CTBP2: variants seen among roughly 807,000 people sequenced by gnomAD.
CTBP2 encodes the protein C-terminal-binding protein 2.
Under a neutral mutation model 80.3 loss-of-function variants are expected in CTBP2, and 30 were observed. That is an observed-to-expected ratio of 0.37 (90% CI 0.28 to 0.51). The LOEUF (loss-of-function observed/expected upper bound fraction) is 0.51, where lower values mean the gene tolerates loss of function less well. CTBP2 is among the 20% of genes least tolerant of loss of function. The probability of loss-of-function intolerance (pLI) is 0.93; values close to 1 mark genes in which losing one functional copy is unlikely to be tolerated. For synonymous variants in CTBP2, 594 were observed against 587.4 expected (o/e 1.01, Z -0.16); for missense variants, 1,212 against 1,375.3 (o/e 0.88, Z 1.88).
chr10:125,073,295 A>G (rs974307744), intron 2 of CTBP2, among the ~76,000 whole-genome samples: 1 of 152,188 alleles, frequency 6.6e-6, no homozygotes, highest in African/African-American at 2.4e-5. Flanking sequence ...GAGTGCAGTG[A>G]CGCCATCTTG....
intron 1 of CTBP2, among the ~76,000 whole-genome samples, chr10:125,115,373 C>T (rs1280788425): frequency 2.0e-5 from 3 of 152,114 alleles, no homozygotes; most frequent in Admixed American, 6.5e-5. Context: ...ATCCCTTAGG[C>T]GATCAAAAGT....
At chr10:125,158,031 T>C (rs1861244046) in intron 1 of CTBP2, among the ~76,000 whole-genome samples, 1 of 152,250 alleles carries the variant, frequency 6.6e-6, no homozygotes, top group Admixed American at 6.5e-5. Flanking sequence ...CAGCTATGAC[T>C]GAAAATGTCT....
intron 1 of CTBP2, among the ~76,000 whole-genome samples, chr10:125,148,151 GGCCGA>G (rs1565043253): frequency 6.6e-6 from 1 of 152,104 alleles, no homozygotes; most frequent in Non-Finnish European, 1.5e-5. Flanking sequence ...TCTCTCCTTG[GGCCGA>G]GCCTCAGTGT....
intron 1 of CTBP2, among the ~76,000 whole-genome samples, chr10:125,142,275 G>C (rs1857966213): frequency 1.3e-5 from 2 of 152,192 alleles, no homozygotes; most frequent in Admixed American, 1.3e-4. Context: ...GCACTGGGGA[G>C]AGGAGGGGTG....
intron 2 of CTBP2, among the ~76,000 whole-genome samples, chr10:125,081,535 T>C (rs756769855): frequency 2.6e-5 from 4 of 152,212 alleles, no homozygotes; most frequent in East Asian, 1.9e-4. Flanking sequence ...CGTGTGTTTC[T>C]GTATATGAGA....
At chr10:124,994,828 G>A in intron 4 of CTBP2, 145 bp from the exon 7 acceptor site, 1 of 841,728 alleles carries the variant, frequency 1.2e-6, no homozygotes, top group Non-Finnish European at 1.9e-6. Flanking sequence ...AGCTTAGTGA[G>A]GCCTGAGGCG....
chr10:125,030,755 C>A (rs1045761060), upstream of CTBP2, among the ~76,000 whole-genome samples: 2 of 152,204 alleles, frequency 1.3e-5, no homozygotes, highest in African/African-American at 4.8e-5. Context: ...ACTTGGTGGG[C>A]TGCCAGGTTT....
chr10:125,160,933 G>A (rs1391438751), upstream of CTBP2: 4 of 150,690 alleles, frequency 2.7e-5, no homozygotes, highest in Non-Finnish European at 5.9e-5. Flanking sequence ...CTCCGGGGAA[G>A]GAGAAGGAAA....
rs758437780 is a variant in CTBP2, at chr10:125,026,505, C to T, written c.1255G>A (p.Ala419Thr). ...CCCACGCCAGGGGCAGAATAGGTGG[C>T]TGCCGTCTCCAGGAGGTGCTGAGAT... is the stretch of plus-strand genomic sequence containing the variant. The change falls in exon 1 of 9, where the codon GCC becomes ACC. Residue 419 changes from alanine (A) to threonine (T), a missense_variant. Ala to Thr is a moderately conservative substitution (Grantham distance 58). Coordinates refer to ENST00000309035, the MANE Select transcript of CTBP2 (RefSeq NM_022802.3). 1.9e-5 allele frequency: 30 copies of T among 1,599,832 alleles called. No individual in the cohort carries two copies. The East Asian group carries it at 6.1e-4, about 32-fold the overall frequency.
At chr10:125,138,337 C>T (rs1470043220) in intron 1 of CTBP2, 1 of 152,240 alleles carries the variant, frequency 6.6e-6, no homozygotes, top group African/African-American at 2.4e-5. Context: ...GCAACACGGA[C>T]CTCATGCGGC....
In CTBP2 at chr10:124,989,467, C is replaced by G. The variant is rs771529952; in HGVS notation, c.*51G>C. 2.5e-4 allele frequency: 384 copies of G among 1,525,368 alleles called. No homozygotes were observed. The highest frequency in any genetic ancestry group is 3.3e-4 in the Non-Finnish European group (365 of 1,101,334). 94.5% of individuals were successfully genotyped at this position (1,525,368 alleles called of 1,614,324 possible). ...TTTCTCTTAGTTCATCTATTTTTCA[C>G]TGTCTCTTGGTCCCAAGTGTATCTG... On this transcript the variant is annotated 3_prime_UTR_variant, in exon 9 of 9. Coordinates refer to ENST00000309035, the MANE Select transcript of CTBP2 (RefSeq NM_022802.3).
In CTBP2 at chr10:125,043,059, G is replaced by C. The variant is rs182932720; in HGVS notation, c.-101-3904C>G. Among the ~76,000 whole-genome samples the C allele has an allele frequency of 1.6e-3, 239 of 152,328 alleles. 1 individual carries two copies. The highest frequency in any genetic ancestry group is 7.5e-3 in the Admixed American group (114 of 15,294). The stretch of plus-strand genomic sequence containing the variant: ...TCAACTCATTTCTGAAGATGAACAA[G>C]GCTTGGAAAAGAAAGCCACTTGTAG... On this transcript the variant is annotated intron_variant, in intron 2 of 10. Coordinates refer to the CTBP2 transcript ENST00000337195.
At chr10:125,051,461 A>G (rs997374574) in intron 2 of CTBP2, among the ~76,000 whole-genome samples, 7 of 152,240 alleles carry the variant, frequency 4.6e-5, no homozygotes, top group East Asian at 1.9e-4. Flanking sequence ...CCAACATGGC[A>G]AAACCCCATC....
rs1589919050 is a variant in CTBP2, at chr10:124,994,375, A to G, written c.2400+94T>C. On this transcript the variant is annotated intron_variant, in intron 5 of 8. Transcript: ENST00000309035. ...TCCCTGCTCAACAGTGTATCCAGAA[A>G]CCACCTCCGTTGCCCTCCGTGTCCC... 4.0e-6 allele frequency: 5 copies of G among 1,256,590 alleles called. No homozygotes were observed. In the Admixed American group the frequency reaches 7.8e-5, roughly 20 times the overall value. 77.8% of individuals were successfully genotyped at this position (1,256,590 alleles called of 1,614,324 possible).
chr10:125,060,812 C>T (rs1964827939), intron 2 of CTBP2, among the ~76,000 whole-genome samples: 1 of 152,222 alleles, frequency 6.6e-6, no homozygotes, highest in Non-Finnish European at 1.5e-5. Flanking sequence ...GGTGCCCCAA[C>T]CTAGAGGACA....
chr10:125,090,766 A>T (rs1444709658), intron 2 of CTBP2, among the ~76,000 whole-genome samples: 1 of 150,246 alleles, frequency 6.7e-6, no homozygotes, highest in African/African-American at 2.5e-5. Flanking sequence ...AAAAAAAAAT[A>T]AATAAATAAC....
At chr10:125,033,705 C>T (rs536378039) in intron 3 of CTBP2, among the ~76,000 whole-genome samples, 3 of 152,232 alleles carry the variant, frequency 2.0e-5, no homozygotes, top group African/African-American at 7.2e-5. Flanking sequence ...CCCTGCCCAC[C>T]CCAAGCACTG....
intron 1 of CTBP2, among the ~76,000 whole-genome samples, chr10:125,025,813 C>T (rs1267945324): frequency 2.0e-5 from 3 of 152,128 alleles, no homozygotes; most frequent in Non-Finnish European, 4.4e-5. Flanking sequence ...GTTTTACCAC[C>T]GTAATGGGAA....
At chr10:125,070,511 G>A (rs1845303707) in intron 2 of CTBP2, among the ~76,000 whole-genome samples, 1 of 151,472 alleles carries the variant, frequency 6.6e-6, no homozygotes, top group Admixed American at 6.6e-5. Flanking sequence ...GAGCTATGAT[G>A]GGGCCACTAC....
Sources: gnomAD v4.1 joint callset for allele counts (sites outside exome capture counted in the v4.1 genomes callset) on GRCh38, gnomAD v4.1.1 for gene constraint, MANE v1.5 for transcripts, NCBI Gene and HGNC (gene_info 2026-07-23, HGNC 2026-07-21) for gene names.